The following DCBLD1 variants were observed in gnomAD, a reference collection of about 807,000 sequenced individuals.
The protein encoded by DCBLD1 is discoidin, CUB and LCCL domain containing 1.
A neutral mutation model predicts 71.5 loss-of-function variants in DCBLD1; 57 were observed. The ratio of observed to expected loss-of-function variants is 0.80; its 90% confidence interval spans 0.64 to 0.99. The LOEUF is 0.99. DCBLD1 is among the 50% of genes least tolerant of loss of function. DCBLD1 has a pLI of 0.00. For synonymous variants in DCBLD1, 380 were observed against 363.8 expected (o/e 1.04, Z -0.51); for missense variants, 891 against 923.5 (o/e 0.96, Z 0.46).
intron 2 of DCBLD1, among the ~76,000 whole-genome samples, chr6:117,510,402 G>A (rs9688605): frequency 0.11 from 17,054 of 151,354 alleles, 1,117 homozygotes; most frequent in Middle Eastern, 0.17. Flanking sequence ...AACCCTTCAA[G>A]TTTCAAATTC....
Position 117,548,746 on chromosome 6 carries a change from G to A in DCBLD1, c.*307G>A. 1.6e-6 allele frequency: 2 copies of A among 1,260,828 alleles called. No homozygotes were observed. Among genetic ancestry groups the A allele is most frequent in the South Asian group, 2.1e-5 (1 of 47,912 alleles). The allele number at this position is 1,260,828 out of a possible 1,614,324, so 78.1% of individuals were successfully genotyped here. On this transcript the variant is annotated 3_prime_UTR_variant, in exon 15 of 15. Coordinates refer to ENST00000338728, the MANE Select transcript of DCBLD1 (RefSeq NM_001366458.2). ...GCTGCTTTGGTGTTAAAGGTGTAAT[G>A]TGTACAGAGTTGTATTTAACAATAA...
intron 2 of DCBLD1, among the ~76,000 whole-genome samples, chr6:117,506,231 A>AT (rs1777839480): frequency 6.6e-6 from 1 of 152,096 alleles, no homozygotes; most frequent in Non-Finnish European, 1.5e-5. Flanking sequence ...GCACAGTGTG[A>AT]TTAGGTGAAC....
chr6:117,483,351 G>T (rs977879855), intron 1 of DCBLD1, among the ~76,000 whole-genome samples: 1 of 152,208 alleles, frequency 6.6e-6, no homozygotes, highest in Non-Finnish European at 1.5e-5. Context: ...CCTCCCTGCC[G>T]TCGCTCCTCC....
Position 117,482,923 on chromosome 6 carries a change from G to C in DCBLD1, c.112+30G>C, listed in dbSNP as rs1411557208. On this transcript the variant is annotated intron_variant, in intron 1 of 14. Coordinates refer to ENST00000338728, the MANE Select transcript of DCBLD1 (RefSeq NM_001366458.2). ...GTGGAGCGCGTCCGGCTGGCGGCGG[G>C]ACCCGAGGCGCCAGGGGCGGGCTGA... 5 of 1,174,674 alleles carry C rather than the reference G, an allele frequency of 4.3e-6. No individual in the cohort carries two copies. The African/African-American group carries it at 8.1e-5, about 19-fold the overall frequency. The allele number at this position is 1,174,674 out of a possible 1,614,324, so 72.8% of individuals were successfully genotyped here.
chr6:117,542,608 C>T (rs1032787514), intron 11 of DCBLD1, among the ~76,000 whole-genome samples: 15 of 152,082 alleles, frequency 9.9e-5, no homozygotes, highest in Non-Finnish European at 1.8e-4. Flanking sequence ...AGTTTTAGGT[C>T]ATCAGGCTGC....
chr6:117,525,604 G>A lies in DCBLD1; in HGVS notation c.585+170G>A, dbSNP rs191105900. ...AAGTATAAAAACCAAGGTTACCCAT[G>A]CATTCATTCCTATTAGCATTTCCAG... On this transcript the variant is annotated intron_variant, in intron 5 of 14. Coordinates refer to ENST00000338728, the MANE Select transcript of DCBLD1 (RefSeq NM_001366458.2). Among the ~76,000 whole-genome samples, 599 of 136,318 alleles carry A rather than the reference G, an allele frequency of 4.4e-3. 5 individuals are homozygous for A. The highest frequency in any genetic ancestry group is 0.018 in the African/African-American group (576 of 31,974). The allele number at this position is 136,318 out of a possible 152,430, so 89.4% of individuals were successfully genotyped here.
At chr6:117,494,533 C>T (rs976935948) in intron 1 of DCBLD1, among the ~76,000 whole-genome samples, 4 of 152,120 alleles carry the variant, frequency 2.6e-5, no homozygotes, top group African/African-American at 9.7e-5. Context: ...TTATTCTAAG[C>T]ATCTATTCAA....
At chr6:117,501,377 A>G (rs1257445411) in intron 1 of DCBLD1, among the ~76,000 whole-genome samples, 1 of 152,172 alleles carries the variant, frequency 6.6e-6, no homozygotes, top group Non-Finnish European at 1.5e-5. Context: ...ACTCTTGCCC[A>G]GGCTGGAGTT....
In DCBLD1 at chr6:117,548,100, C is replaced by T; in HGVS notation, c.1809C>T (p.Pro603=). 1 of 1,549,596 alleles carries T rather than the reference C, an allele frequency of 6.5e-7. No homozygotes were observed. Among genetic ancestry groups the T allele is most frequent in the South Asian group, 1.2e-5 (1 of 83,988 alleles). ...LAPPEPEYAT[P]IVERHVLRAH... Reference sequence around the variant, plus strand: ...CCCCGGAGCCCGAGTACGCCACGCCCATCGTGGAGCGGCACGTGCTGCGCG... The same window carrying T: ...CCCCGGAGCCCGAGTACGCCACGCCTATCGTGGAGCGGCACGTGCTGCGCG... The change falls in exon 15 of 15, where the codon CCC becomes CCT. Residue 603 remains proline (P), a synonymous_variant. Coordinates refer to ENST00000338728, the MANE Select transcript of DCBLD1 (RefSeq NM_001366458.2).
chr6:117,533,318 T>G (rs1481743267), intron 6 of DCBLD1, among the ~76,000 whole-genome samples: 1 of 152,196 alleles, frequency 6.6e-6, no homozygotes, highest in African/African-American at 2.4e-5. Flanking sequence ...CATTAATCTG[T>G]ATGACATTCT....
chr6:117,549,836 G>A (rs546538780), downstream of DCBLD1: 325 of 985,400 alleles, frequency 3.3e-4, 2 homozygotes, highest in African/African-American at 5.5e-3. Context: ...GCTCGCTGGG[G>A]TGTTAGAGGC....
intron 1 of DCBLD1, among the ~76,000 whole-genome samples, chr6:117,490,411 A>G (rs1015388247): frequency 1.1e-4 from 17 of 152,186 alleles, no homozygotes; most frequent in Non-Finnish European, 2.1e-4. Context: ...ATTTATTGCT[A>G]CTGAGAAATA....
chr6:117,561,441 A>C (rs149950713), intron 14 of DCBLD1: 102 of 223,274 alleles, frequency 4.6e-4, no homozygotes, highest in Non-Finnish European at 8.3e-4. Flanking sequence ...GTTTCATGTC[A>C]CAGCAAAAAG....
intron 14 of DCBLD1, among the ~76,000 whole-genome samples, chr6:117,558,512 T>C (rs1373433597): frequency 6.6e-6 from 1 of 152,156 alleles, no homozygotes; most frequent in East Asian, 1.9e-4. Flanking sequence ...TCTCCCCAAG[T>C]TGAGTGGTTT....
At chr6:117,539,513 C>T (rs1443576915) in intron 9 of DCBLD1, 134 bp downstream of exon 9, 7 of 1,065,640 alleles carry the variant, frequency 6.6e-6, no homozygotes, top group Non-Finnish European at 9.0e-6. Context: ...TGCCTGTAAT[C>T]CCCAAGCTTT....
intron 1 of DCBLD1, among the ~76,000 whole-genome samples, chr6:117,492,088 A>G (rs1363578287): frequency 6.6e-6 from 1 of 152,164 alleles, no homozygotes; most frequent in Non-Finnish European, 1.5e-5. Context: ...CCATTATAAA[A>G]CTGCCGTCTC....
At chr6:117,491,913 C>T (rs1226558214) in intron 1 of DCBLD1, among the ~76,000 whole-genome samples, 1 of 152,126 alleles carries the variant, frequency 6.6e-6, no homozygotes, top group African/African-American at 2.4e-5. Context: ...CCTAAAGACT[C>T]GATTAGATTC....
chr6:117,525,617 T>TTTC (rs34254506), intron 5 of DCBLD1, among the ~76,000 whole-genome samples, 183 bp downstream of exon 5: 46,720 of 151,936 alleles, frequency 0.31, 8,244 homozygotes, highest in African/African-American at 0.49. Context: ...TTCATTCCTA[T>TTTC]TAGCATTTCC....
downstream of DCBLD1, among the ~76,000 whole-genome samples, chr6:117,552,317 G>A (rs1230892312): frequency 6.6e-6 from 1 of 152,070 alleles, no homozygotes; most frequent in Admixed American, 6.5e-5. Context: ...ATAGTGTTTT[G>A]TATACATTAG....
Sources: gnomAD v4.1 joint callset for allele counts (sites outside exome capture counted in the v4.1 genomes callset) on GRCh38, gnomAD v4.1.1 for gene constraint, MANE v1.5 for transcripts, NCBI Gene and HGNC (gene_info 2026-07-23, HGNC 2026-07-21) for gene names.